Variants in KMT2E observed in about 807,000 individuals in gnomAD.
The protein encoded by KMT2E is lysine methyltransferase 2E (inactive), also known as histone reader KMT2E.
Under a neutral mutation model 184.6 loss-of-function variants are expected in KMT2E, and 30 were observed. The ratio of observed to expected loss-of-function variants is 0.16; its 90% CI spans 0.12 to 0.22. The LOEUF (loss-of-function observed/expected upper bound fraction) is 0.22, where lower values mean the gene tolerates loss of function less well. Among genes scored for constraint, KMT2E ranks in the 10% least tolerant of loss-of-function variants. KMT2E has a pLI of 1.00. For missense variants in KMT2E, 2,023 were observed against 2,237.4 expected, an observed-to-expected ratio of 0.90 and a Z score of 1.93; for synonymous variants, 815 against 776.5, an observed-to-expected ratio of 1.05 and a Z score of -0.82.
At chr7:105,076,113 A>C in intron 9 of KMT2E, 32 bp downstream of exon 9, 1 of 1,470,566 alleles carries the variant, frequency 6.8e-7, no homozygotes. Flanking sequence ...TGTTGTTATC[A>C]ACTGTCATTT....
At chr7:105,104,639 G>C (rs977237279) in intron 17 of KMT2E, 6 of 152,510 alleles carry the variant, frequency 3.9e-5, no homozygotes, top group African/African-American at 1.4e-4. Context: ...AGGCTACAGT[G>C]AGCCATGATC....
chr7:105,091,407 T>C (rs541733021), intron 15 of KMT2E, 93 bp downstream of exon 15: 1 of 763,910 alleles, frequency 1.3e-6, no homozygotes, highest in East Asian at 2.5e-5. Flanking sequence ...CATTATTCTT[T>C]GAAGTTAGCG....
chr7:105,072,644 A>C (rs2129567850), intron 6 of KMT2E, among the ~76,000 whole-genome samples: 1 of 152,238 alleles, frequency 6.6e-6, no homozygotes, highest in East Asian at 1.9e-4. Context: ...CTTAACTGTT[A>C]AATGCTCATG....
At chr7:105,041,145 A>G (rs1189539512) in intron 3 of KMT2E, 122 bp downstream of exon 3, 1 of 165,348 alleles carries the variant, frequency 6.0e-6, no homozygotes, top group South Asian at 1.8e-4. Flanking sequence ...TTTTTAAAGT[A>G]AAAAAAAAAA....
chr7:105,042,451 A>C (rs763465109), intron 3 of KMT2E, among the ~76,000 whole-genome samples: 16 of 152,350 alleles, frequency 1.1e-4, no homozygotes, highest in South Asian at 1.0e-3. Context: ...TACTTTGAGC[A>C]ATGTGTTTTA....
intron 12 of KMT2E, among the ~76,000 whole-genome samples, chr7:105,080,386 G>A (rs1476111892): frequency 7.0e-6 from 1 of 143,676 alleles, no homozygotes; most frequent in African/African-American, 2.5e-5. Flanking sequence ...GAATGTAGGT[G>A]TTTTTTTTTT....
At chr7:105,042,252 A>C (rs1413588300) in intron 3 of KMT2E, among the ~76,000 whole-genome samples, 1 of 152,148 alleles carries the variant, frequency 6.6e-6, no homozygotes. Flanking sequence ...TGGCCCCCCA[A>C]AGTGCTGGGA....
chr7:105,091,079 T>C (rs1201582371), intron 14 of KMT2E, 137 bp from the exon 15 acceptor site: 1 of 503,574 alleles, frequency 2.0e-6, no homozygotes, highest in African/African-American at 2.0e-5. Flanking sequence ...GAAACCAGTT[T>C]TAAATTTCTT....
chr7:105,105,811 A>G (rs763279603), intron 18 of KMT2E, 48 bp from the exon 19 acceptor site: 14 of 1,586,870 alleles, frequency 8.8e-6, no homozygotes, highest in South Asian at 2.3e-5. Context: ...GGCTATATAA[A>G]CAGCTACAAA....
At chr7:105,045,356 G>C (rs1796060645) in intron 3 of KMT2E, among the ~76,000 whole-genome samples, 1 of 152,160 alleles carries the variant, frequency 6.6e-6, no homozygotes, top group African/African-American at 2.4e-5. Context: ...CAATTCGGTG[G>C]CAGTAAGTAC....
intron 7 of KMT2E, among the ~76,000 whole-genome samples, chr7:105,074,249 T>G (rs1464163051): frequency 2.0e-5 from 3 of 152,200 alleles, no homozygotes; most frequent in Admixed American, 6.5e-5. Flanking sequence ...CTTGCATAAG[T>G]CTTTTTGTAC....
intron 1 of KMT2E, among the ~76,000 whole-genome samples, chr7:105,021,827 A>G (rs1794968235): frequency 6.6e-6 from 1 of 152,188 alleles, no homozygotes; most frequent in African/African-American, 2.4e-5. Flanking sequence ...TTCAATTTTT[A>G]ATTAAAAAAT....
intron 13 of KMT2E, among the ~76,000 whole-genome samples, chr7:105,083,449 A>G (rs1797837976): frequency 6.6e-6 from 1 of 152,136 alleles, no homozygotes; most frequent in Non-Finnish European, 1.5e-5. Flanking sequence ...CTTCCTAGCT[A>G]CCTGTTGTCT....
rs11976329 is a variant in KMT2E, at chr7:105,101,607, C to T, written c.1887+18C>T. ...TTATTCAGGTATTATTTATTCAGGT[C>T]GTTTTATTTTCTTAAACACTTTAAA... On this transcript the variant is annotated intron_variant, in intron 16 of 26. Coordinates refer to ENST00000311117, the MANE Select transcript of KMT2E (RefSeq NM_182931.3). 0.16 allele frequency: 246,608 copies of T among 1,498,842 alleles called. 31,911 individuals carry two copies. Among genetic ancestry groups the T allele is most frequent in the East Asian group, 0.61 (24,924 of 40,766 alleles). The allele number at this position is 1,498,842 out of a possible 1,614,324, so 92.8% of individuals were successfully genotyped here.
At chr7:105,077,533 C>T (rs758019733) in intron 11 of KMT2E, 100 bp downstream of exon 11, 11 of 886,700 alleles carry the variant, frequency 1.2e-5, no homozygotes, top group Non-Finnish European at 1.6e-5. Flanking sequence ...TTTTTTCCTA[C>T]ATGATCATTT....
At chr7:105,088,119 C>A (rs1157206243) in intron 13 of KMT2E, among the ~76,000 whole-genome samples, 1 of 152,046 alleles carries the variant, frequency 6.6e-6, no homozygotes, top group Non-Finnish European at 1.5e-5. Flanking sequence ...GATTACATAT[C>A]CCATAGAGGT....
At chr7:105,075,886 A>G (rs980926581) in intron 8 of KMT2E, among the ~76,000 whole-genome samples, 157 bp from the exon 9 acceptor site, 1 of 152,152 alleles carries the variant, frequency 6.6e-6, no homozygotes, top group Non-Finnish European at 1.5e-5. Flanking sequence ...ATTTTAATAG[A>G]TGCCTTTATT....
chr7:105,097,476 C>A (rs1368010070), intron 15 of KMT2E, among the ~76,000 whole-genome samples: 2 of 152,136 alleles, frequency 1.3e-5, no homozygotes, highest in African/African-American at 4.8e-5. Context: ...ACCTCTGCCT[C>A]CCGGGTTCAA....
chr7:105,110,452 T>C (rs1188791261), intron 24 of KMT2E, 25 bp from the exon 25 acceptor site: 3 of 1,614,056 alleles, frequency 1.9e-6, no homozygotes, highest in Non-Finnish European at 2.5e-6. Flanking sequence ...ATGTTCTCTT[T>C]GGGTCTGCTC....
Sources: gnomAD v4.1 joint callset for allele counts (sites outside exome capture counted in the v4.1 genomes callset) on GRCh38, gnomAD v4.1.1 for gene constraint, MANE v1.5 for transcripts, NCBI Gene and HGNC (gene_info 2026-07-23, HGNC 2026-07-21) for gene names.